Variants in BRAF observed in about 807,000 individuals in gnomAD.
The protein encoded by BRAF is B-Raf proto-oncogene, serine/threonine kinase, also known as serine/threonine-protein kinase B-raf.
Under a neutral mutation model 104.6 loss-of-function variants are expected in BRAF, and 16 were observed. That is an observed-to-expected ratio of 0.15 (90% confidence interval 0.10 to 0.23). The LOEUF (loss-of-function observed/expected upper bound fraction) is 0.23, where lower values mean the gene tolerates loss of function less well. Among genes scored for constraint, BRAF ranks in the 10% least tolerant of loss-of-function variants. The probability of loss-of-function intolerance (pLI) is 1.00; values close to 1 mark genes in which losing one functional copy is unlikely to be tolerated. For missense variants in BRAF, 541 were observed against 937.3 expected, an observed-to-expected ratio of 0.58 and a Z score of 5.52; for synonymous variants, 310 against 341.6, an observed-to-expected ratio of 0.91 and a Z score of 1.02.
At chr7:140,734,404 G>A in intron 19 of BRAF, 1 of 1,464,766 alleles carries the variant, frequency 6.8e-7, no homozygotes, top group Non-Finnish European at 9.0e-7. Context: ...TTAACCCTTG[G>A]ATGTTAAAAA....
At chr7:140,898,131 G>GC (rs1815173730) in intron 1 of BRAF, among the ~76,000 whole-genome samples, 1 of 152,180 alleles carries the variant, frequency 6.6e-6, no homozygotes, top group Non-Finnish European at 1.5e-5. Context: ...CCAGGAGGCT[G>GC]CAGTGAGCTA....
chr7:140,903,390 T>C (rs896492575), intron 1 of BRAF, among the ~76,000 whole-genome samples: 11 of 152,226 alleles, frequency 7.2e-5, no homozygotes, highest in Admixed American at 6.5e-5. Context: ...GCATATTCTT[T>C]TACAACATAG....
chr7:140,792,870 A>C (rs1308709703), intron 8 of BRAF, among the ~76,000 whole-genome samples: 1 of 152,242 alleles, frequency 6.6e-6, no homozygotes, highest in Non-Finnish European at 1.5e-5. Flanking sequence ...TTTACCTTGT[A>C]ATCAACAGTA....
chr7:140,762,922 G>C (rs986185818), intron 14 of BRAF, among the ~76,000 whole-genome samples: 1 of 152,160 alleles, frequency 6.6e-6, no homozygotes, highest in African/African-American at 2.4e-5. Context: ...ACAGGGTTGG[G>C]GGTAAGGTCA....
At chr7:140,804,809 T>C (rs1170871921) in intron 5 of BRAF, among the ~76,000 whole-genome samples, 1 of 148,922 alleles carries the variant, frequency 6.7e-6, no homozygotes, top group Non-Finnish European at 1.5e-5. Flanking sequence ...CTTTTCTTTT[T>C]CTTTTCTTTT....
intron 8 of BRAF, among the ~76,000 whole-genome samples, chr7:140,792,235 A>G (rs1802050870): frequency 6.6e-6 from 1 of 152,174 alleles, no homozygotes; most frequent in African/African-American, 2.4e-5. Flanking sequence ...TAAAAACCAC[A>G]TTATTGACAG....
At chr7:140,851,032 AG>A (rs1043702173) in intron 1 of BRAF, among the ~76,000 whole-genome samples, 5 of 152,326 alleles carry the variant, frequency 3.3e-5, no homozygotes, top group Admixed American at 2.6e-4. Flanking sequence ...TTGAGAGAAA[AG>A]GGGGAAAAAT....
chr7:140,815,349 G>C lies in BRAF; in HGVS notation c.505-6354C>G, dbSNP rs541945283. On this transcript the variant is annotated intron_variant, in intron 3 of 19. Coordinates refer to ENST00000644969, the MANE Select transcript of BRAF (RefSeq NM_001374258.1). Reference sequence around the variant, plus strand: ...TTTAGTAGAGACGGGGTTTCTCCTTGTTAGCCAAGATGGTCTCGATCTCCT... The same window carrying C: ...TTTAGTAGAGACGGGGTTTCTCCTTCTTAGCCAAGATGGTCTCGATCTCCT... 1.1e-4 allele frequency among the ~76,000 whole-genome samples: 16 copies of C among 149,832 alleles called. No individual in the cohort carries two copies. The South Asian group carries it at 3.4e-3, about 31-fold the overall frequency.
intron 2 of BRAF, among the ~76,000 whole-genome samples, chr7:140,843,232 A>AT (rs1808176309): frequency 6.6e-6 from 1 of 152,126 alleles, no homozygotes; most frequent in African/African-American, 2.4e-5. Context: ...TTTGAGAAAG[A>AT]TTTTCTTCCT....
chr7:140,767,910 A>G (rs944210200), intron 14 of BRAF, among the ~76,000 whole-genome samples: 5 of 152,358 alleles, frequency 3.3e-5, no homozygotes, highest in Admixed American at 6.5e-5. Flanking sequence ...TAGTAAGTGC[A>G]TATCATTGCT....
At position 140,753,095 on chromosome 7, in the gene BRAF, G is replaced by GT. The variant is rs946347977; in HGVS notation, c.1980+179dup. On this transcript the variant is annotated intron_variant, in intron 16 of 19. Transcript: ENST00000644969. ...CACTGAAACTGGTTTCAAAATATTC[G>GT]TTTTAAGGGTAAAGAAAAAAGTTAA... Among the ~76,000 whole-genome samples, 63 of 151,894 alleles carry GT rather than the reference G, an allele frequency of 4.1e-4. 1 individual carries two copies. The highest frequency in any genetic ancestry group is 1.4e-3 in the African/African-American group (60 of 41,430).
intron 3 of BRAF, chr7:140,834,245 A>G (rs1051436820): frequency 3.3e-5 from 12 of 364,784 alleles, no homozygotes; most frequent in Admixed American, 2.1e-4. Flanking sequence ...ATCTGATAAT[A>G]TAACTCAGAA....
At chr7:140,833,520 A>G (rs1310629080) in intron 3 of BRAF, among the ~76,000 whole-genome samples, 1 of 152,216 alleles carries the variant, frequency 6.6e-6, no homozygotes, top group African/African-American at 2.4e-5. Context: ...TATGCTTAGT[A>G]ATTCCCCATC....
intron 1 of BRAF, among the ~76,000 whole-genome samples, chr7:140,922,861 G>A (rs1291198830): frequency 6.6e-6 from 1 of 152,146 alleles, no homozygotes; most frequent in Non-Finnish European, 1.5e-5. Context: ...CAAAAGCCAG[G>A]AAACAAGGCA....
At chr7:140,899,693 T>C (rs1375113440) in intron 1 of BRAF, among the ~76,000 whole-genome samples, 2 of 152,184 alleles carry the variant, frequency 1.3e-5, no homozygotes, top group Non-Finnish European at 2.9e-5. Context: ...AATTTGGTGT[T>C]CTGTCTTTGT....
intron 17 of BRAF, chr7:140,747,431 C>T: frequency 7.8e-7 from 1 of 1,288,646 alleles, no homozygotes. Flanking sequence ...ATTATACTCC[C>T]ATGGAGGACA....
rs185126483 is a variant in BRAF at position 140,844,731 on chromosome 7, G to T, written c.240+5380C>A. ...ACTTGAGGTCAGGAGTTCGAGATTG[G>T]CCTGGTCAACATGGTGAAACTCCGT... On this transcript the variant is annotated intron_variant, in intron 2 of 19. Transcript: ENST00000644969. Among the ~76,000 whole-genome samples the T allele has an allele frequency of 1.1e-4, 17 of 152,224 alleles. No individual in the cohort carries two copies. In the South Asian group the frequency reaches 1.5e-3, roughly 13 times the overall value.
At chr7:140,840,965 T>C (rs1807899188) in intron 2 of BRAF, among the ~76,000 whole-genome samples, 1 of 151,942 alleles carries the variant, frequency 6.6e-6, no homozygotes. Context: ...TCCATCCACC[T>C]CAGCCTCCCA....
At chr7:140,894,812 A>G (rs1019657050) in intron 1 of BRAF, among the ~76,000 whole-genome samples, 13 of 152,170 alleles carry the variant, frequency 8.5e-5, no homozygotes, top group African/African-American at 2.9e-4. Flanking sequence ...CAGCTCACAA[A>G]CCAAAGCCCT....
Sources: allele counts gnomAD v4.1 joint callset (sites outside exome capture counted in the v4.1 genomes callset), GRCh38; gene constraint gnomAD v4.1.1; transcripts MANE v1.5; gene names NCBI Gene and HGNC (gene_info 2026-07-23, HGNC 2026-07-21).